SLC38A10: variants seen among roughly 807,000 people sequenced by gnomAD.
The protein encoded by SLC38A10 is solute carrier family 38 member 10, also known as Sodium-coupled neutral amino acid transporter 10.
SLC38A10 carries 53 observed loss-of-function variants against 81.0 expected under a neutral mutation model. The ratio of observed to expected loss-of-function variants is 0.65; its 90% CI spans 0.53 to 0.82. SLC38A10 has a LOEUF of 0.82. SLC38A10 is among the 40% of genes least tolerant of loss of function. The pLI, the probability that SLC38A10 is intolerant of heterozygous loss-of-function variation, is 0.00. For synonymous variants in SLC38A10, 665 were observed against 655.3 expected (o/e 1.01, Z -0.23); for missense variants, 1,471 against 1,545.0 (o/e 0.95, Z 0.80).
chr17:81,271,748 ATTTTTTTT>A (rs756214430), intron 9 of SLC38A10, among the ~76,000 whole-genome samples: 42 of 121,146 alleles, frequency 3.5e-4, no homozygotes, highest in Non-Finnish European at 6.0e-4. Flanking sequence ...AAGCTGACAG[ATTTTTTTT>A]TTTTTTTTTT....
In SLC38A10 at chr17:81,246,484, C is replaced by T. The variant is rs2062852923; in HGVS notation, c.2432G>A (p.Gly811Asp). 6.4e-7 allele frequency: 1 copy of T among 1,557,914 alleles called. No individual in the cohort carries two copies. The highest frequency in any genetic ancestry group is 8.7e-7 in the Non-Finnish European group (1 of 1,154,306). Residue 811 changes from glycine to aspartate, a missense_variant, in exon 16 of 16, where the codon GGC (glycine) becomes GAC (aspartate). Gly to Asp is a moderately conservative substitution (Grantham distance 94, BLOSUM62 -1). Coordinates refer to ENST00000374759, the MANE Select transcript of SLC38A10 (RefSeq NM_001037984.3). The part of the protein sequence containing the change: ...RSLEHSEGPV[G>D]RDPAGPPDGG... ...GTCAGGAGGGCCAGCAGGGTCTCTG[C>T]CCACAGGCCCCTCAGAGTGCTCCAG...
At chr17:81,250,446 C>T (rs533217116) in intron 14 of SLC38A10, among the ~76,000 whole-genome samples, 2 of 152,354 alleles carry the variant, frequency 1.3e-5, no homozygotes, top group South Asian at 2.1e-4. Flanking sequence ...GGGCAAGATG[C>T]GCGGGCAGGA....
rs2063229195 is a variant in SLC38A10 at position 81,283,008 on chromosome 17, C to T, written c.357+401G>A. Among the ~76,000 whole-genome samples the T allele has an allele frequency of 1.3e-5, 2 of 152,164 alleles. No homozygotes were observed. Among genetic ancestry groups the T allele is most frequent in the Admixed American group, 6.5e-5 (1 of 15,278 alleles). On this transcript the variant is annotated intron_variant, in intron 4 of 15. Coordinates refer to ENST00000374759, the MANE Select transcript of SLC38A10 (RefSeq NM_001037984.3). This position sits in a 1 kb window ranked among gnomAD's most constrained non-coding sequence, Gnocchi z 4.7. Reference sequence around the variant, plus strand: ...TGGTGGGGGGCAAGCACGGAGGAGGCTACCCCAAGGTCCCTGCAAGAAGTG... The same window carrying T: ...TGGTGGGGGGCAAGCACGGAGGAGGTTACCCCAAGGTCCCTGCAAGAAGTG...
rs2062850458 is a variant in SLC38A10 at position 81,246,316 on chromosome 17, G to A, written c.2600C>T (p.Ala867Val). The A allele has an allele frequency of 3.1e-6, 5 of 1,610,296 alleles. No homozygotes were observed. The highest frequency in any genetic ancestry group is 4.2e-6 in the Non-Finnish European group (5 of 1,179,840). Reference sequence around the variant, plus strand: ...TGCGAGGCGCTCCTCTGGGCCCCCGGCTTCCCTGGCGGGGTCTGGCACGGG... The same window carrying A: ...TGCGAGGCGCTCCTCTGGGCCCCCGACTTCCCTGGCGGGGTCTGGCACGGG... ...QVPVPDPARE[A>V]GGPEERLAEE... The change falls in exon 16 of 16, where the codon GCC becomes GTC. Residue 867 changes from alanine (A) to valine (V), a missense_variant. This residue lies in a region of SLC38A10 where 751 missense variants were observed against 717.4 expected (regional missense o/e 1.05). Transcript: ENST00000374759.
chr17:81,250,377 G>A (rs1473198836), intron 14 of SLC38A10, among the ~76,000 whole-genome samples: 2 of 152,280 alleles, frequency 1.3e-5, no homozygotes, highest in Non-Finnish European at 2.9e-5. Context: ...CCAGGCCGCA[G>A]CGACTGGGAC....
At chr17:81,272,245 T>C (rs1304109278) in intron 9 of SLC38A10, among the ~76,000 whole-genome samples, 2 of 152,146 alleles carry the variant, frequency 1.3e-5, no homozygotes, top group Non-Finnish European at 2.9e-5. Context: ...TTGGTCAGGC[T>C]GGTCTTGAAC....
At position 81,289,713 on chromosome 17, in the gene SLC38A10, C is replaced by T. The variant is rs1203525588; in HGVS notation, c.195G>A (p.Lys65=). Residue 65 remains lysine, a synonymous_variant, in exon 2 of 16, where the codon AAG becomes AAA. Coordinates refer to ENST00000374759, the MANE Select transcript of SLC38A10 (RefSeq NM_001037984.3). This position sits in a 1 kb window ranked among gnomAD's most constrained non-coding sequence, Gnocchi z 5.9. ...CACCCAGGCCGGCGTAGGTCCTCCG[C>T]TTGCTCAGGCTGGCCGACTTCACCA... ...MFLVKSASLS[K]RRTYAGLAFH... 1 of 1,611,062 alleles carries T rather than the reference C, an allele frequency of 6.2e-7. No individual in the cohort carries two copies. The highest frequency in any genetic ancestry group is 1.7e-5 in the Admixed American group (1 of 59,886).
At position 81,289,844 on chromosome 17, in the gene SLC38A10, G is replaced by A; in HGVS notation, c.100-36C>T. On this transcript the variant is annotated intron_variant, in intron 1 of 15. Coordinates refer to ENST00000374759, the MANE Select transcript of SLC38A10 (RefSeq NM_001037984.3). This position sits in a 1 kb window ranked among gnomAD's most constrained non-coding sequence, Gnocchi z 5.9. ...GAGACAGGAACACATGTTCACAGCA[G>A]CAGGTGCTCCCCAGAGGCCCTCACC... is the stretch of plus-strand genomic sequence containing the variant. 6.6e-7 allele frequency: 1 copy of A among 1,523,136 alleles called. No homozygotes were observed. The highest frequency in any genetic ancestry group is 1.2e-5 in the South Asian group (1 of 82,014). 94.4% of individuals were successfully genotyped at this position (1,523,136 alleles called of 1,614,324 possible).
intron 1 of SLC38A10, among the ~76,000 whole-genome samples, chr17:81,293,501 C>G (rs1386575491): frequency 6.6e-6 from 1 of 151,892 alleles, no homozygotes; most frequent in Non-Finnish European, 1.5e-5. Flanking sequence ...AGATGGGGTA[C>G]TGTTGTGTTG....
chr17:81,266,378 G>C (rs2063070170), intron 10 of SLC38A10, among the ~76,000 whole-genome samples: 1 of 152,218 alleles, frequency 6.6e-6, no homozygotes. Context: ...CCAGCACTTT[G>C]GGAGGCCGAG....
chr17:81,248,372 G>A (rs528968797), intron 14 of SLC38A10, among the ~76,000 whole-genome samples: 18 of 152,190 alleles, frequency 1.2e-4, no homozygotes, highest in Non-Finnish European at 8.8e-5. Context: ...CAGGTCCTGC[G>A]TGATGGGGAG....
At position 81,253,873 on chromosome 17, in the gene SLC38A10, A is replaced by T. The variant is rs1366954696; in HGVS notation, c.1289-633T>A. 6.7e-6 allele frequency among the ~76,000 whole-genome samples: 1 copy of T among 148,862 alleles called. No homozygotes were observed. Among genetic ancestry groups the T allele is most frequent in the Non-Finnish European group, 1.5e-5 (1 of 67,716 alleles). The stretch of plus-strand genomic sequence containing the variant: ...CATCTCCATCCCTACCACCATCACC[A>T]TCATCATCACCATCACCACTACCAT... On this transcript the variant is annotated intron_variant, in intron 11 of 15. Coordinates refer to ENST00000374759, the MANE Select transcript of SLC38A10 (RefSeq NM_001037984.3). The surrounding 1 kb of genome is among the most constrained non-coding windows in gnomAD (Gnocchi z 4.1).
chr17:81,284,761 T>C (rs1324875634), intron 3 of SLC38A10, 89 bp downstream of exon 3: 9 of 970,568 alleles, frequency 9.3e-6, no homozygotes, highest in Non-Finnish European at 1.4e-6. Context: ...CAGGTGAATC[T>C]GGGGATGAAA....
Position 81,252,354 on chromosome 17 carries a change from G to A in SLC38A10, c.1786C>T (p.Leu596=). ...TGCAGGCCCCTGTCTCCTGGCCCCAGGTCCTCCTTTGCAGGCTGGACAGCT... is the reference window on the plus strand; with the variant it reads ...TGCAGGCCCCTGTCTCCTGGCCCCAAGTCCTCCTTTGCAGGCTGGACAGCT... ...QPAVQPAKED[L]GPGDRGLHPR... is the part of the protein sequence containing the mutation. The change falls in exon 13 of 16, where the codon CTG becomes TTG. Residue 596 remains leucine (L), a synonymous_variant. Coordinates refer to ENST00000374759, the MANE Select transcript of SLC38A10 (RefSeq NM_001037984.3). 1.2e-6 allele frequency: 2 copies of A among 1,613,112 alleles called. No homozygotes were observed. Among genetic ancestry groups the A allele is most frequent in the Non-Finnish European group, 1.7e-6 (2 of 1,179,962 alleles).
chr17:81,278,866 G>A (rs1184750554), intron 6 of SLC38A10, among the ~76,000 whole-genome samples: 3 of 152,120 alleles, frequency 2.0e-5, no homozygotes, highest in Non-Finnish European at 2.9e-5. Context: ...CCACGCACAC[G>A]GGGTGGCCAG....
chr17:81,276,995 G>T lies in SLC38A10; in HGVS notation c.729+36C>A. On this transcript the variant is annotated intron_variant, in intron 7 of 15. Transcript: ENST00000374759. This position sits in a 1 kb window ranked among gnomAD's most constrained non-coding sequence, Gnocchi z 4.7. ...GCACCACGGCACATCATGCTGGCAT[G>T]ACACAGGGGCGGAGAGGGCGTGGCA... 3 of 1,596,846 alleles carry T rather than the reference G, an allele frequency of 1.9e-6. No homozygotes were observed. In the South Asian group the frequency reaches 3.3e-5, roughly 18 times the overall value.
chr17:81,287,703 A>G (rs910162828), intron 2 of SLC38A10, among the ~76,000 whole-genome samples: 27 of 152,344 alleles, frequency 1.8e-4, no homozygotes, highest in African/African-American at 6.5e-4. Flanking sequence ...AGCACAGAAG[A>G]GCACCCACCC....
Position 81,286,844 on chromosome 17 carries a change from C to G in SLC38A10, c.218-1949G>C, listed in dbSNP as rs1340305880. Among the ~76,000 whole-genome samples, 1 of 152,098 alleles carries G rather than the reference C, an allele frequency of 6.6e-6. No individual in the cohort carries two copies. The highest frequency in any genetic ancestry group is 2.4e-5 in the African/African-American group (1 of 41,422). On this transcript the variant is annotated intron_variant, in intron 2 of 15. Coordinates refer to ENST00000374759, the MANE Select transcript of SLC38A10 (RefSeq NM_001037984.3). This position sits in a 1 kb window ranked among gnomAD's most constrained non-coding sequence, Gnocchi z 6.0. ...GAGAACTCAGAGGCCGCGTGGGGGC[C>G]AAACAGTCCCTGCTGCTGGGGGAGG... is the stretch of plus-strand genomic sequence containing the variant.
chr17:81,276,904 A>G lies in SLC38A10; in HGVS notation c.729+127T>C. 1 of 901,174 alleles carries G rather than the reference A, an allele frequency of 1.1e-6. No homozygotes were observed. Among genetic ancestry groups the G allele is most frequent in the South Asian group, 1.5e-5 (1 of 68,288 alleles). The allele number at this position is 901,174 out of a possible 1,614,324, so 55.8% of individuals were successfully genotyped here. On this transcript the variant is annotated intron_variant, in intron 7 of 15. Transcript: ENST00000374759. The surrounding 1 kb of genome is among the most constrained non-coding windows in gnomAD (Gnocchi z 4.7). ...CCCCGCGCAGCCTCCAGACACTGGG[A>G]TGGGAACAGAGAGAAAAACCCAGCA...
Sources: gnomAD v4.1 joint callset for allele counts (sites outside exome capture counted in the v4.1 genomes callset) on GRCh38, gnomAD v4.1.1 for gene constraint, gnomAD v4.1.1 regional missense constraint, Gnocchi (gnomAD v3.1) non-coding constraint, MANE v1.5 for transcripts, NCBI Gene and HGNC (gene_info 2026-07-23, HGNC 2026-07-21) for gene names.